RALYL: variants seen among roughly 807,000 people sequenced by gnomAD.
RALYL encodes the protein RNA-binding Raly-like protein.
Under a neutral mutation model 35.1 loss-of-function variants are expected in RALYL, and 29 were observed. The ratio of observed to expected loss-of-function variants is 0.83; its 90% CI spans 0.61 to 1.13. The LOEUF (loss-of-function observed/expected upper bound fraction) is 1.13, where lower values mean the gene tolerates loss of function less well. RALYL is among the 50% of genes most tolerant of loss of function. The pLI is 0.00. For synonymous variants in RALYL, 120 were observed against 127.6 expected (o/e 0.94, Z 0.40); for missense variants, 359 against 360.4 (o/e 1.00, Z 0.03).
At chr8:84,831,894 T>C (rs535229349) in intron 4 of RALYL, among the ~76,000 whole-genome samples, 210 of 152,240 alleles carry the variant, frequency 1.4e-3, no homozygotes, top group Non-Finnish European at 2.3e-3. Context: ...TCATTTTAGA[T>C]AGTATGTGTC....
chr8:84,880,743 C>T (rs1401816115), intron 7 of RALYL, among the ~76,000 whole-genome samples: 1 of 151,974 alleles, frequency 6.6e-6, no homozygotes, highest in Non-Finnish European at 1.5e-5. Flanking sequence ...ATACAACCAT[C>T]ACCACAAATC....
At chr8:84,297,321 C>T (rs1839945091) in intron 1 of RALYL, among the ~76,000 whole-genome samples, 2 of 152,056 alleles carry the variant, frequency 1.3e-5, no homozygotes, top group Non-Finnish European at 2.9e-5. Context: ...GTTTTCTGTT[C>T]CTGTGTTAGT....
At chr8:84,821,446 T>C (rs533949710) in intron 4 of RALYL, among the ~76,000 whole-genome samples, 1 of 152,214 alleles carries the variant, frequency 6.6e-6, no homozygotes, top group South Asian at 2.1e-4. Context: ...CTGAGTTTCA[T>C]CTGCACTTGA....
At chr8:84,405,974 A>G (rs1364906457) in intron 1 of RALYL, among the ~76,000 whole-genome samples, 1 of 150,694 alleles carries the variant, frequency 6.6e-6, no homozygotes, top group South Asian at 2.1e-4. Flanking sequence ...GATAATTACC[A>G]TAATCTAGAA....
chr8:84,843,039 T>C (rs1447883899), intron 4 of RALYL, among the ~76,000 whole-genome samples: 3 of 152,116 alleles, frequency 2.0e-5, no homozygotes, highest in Non-Finnish European at 4.4e-5. Context: ...CTGGAAGCAT[T>C]CCCTTGAAAA....
At chr8:84,659,402 C>A (rs979135931) in intron 2 of RALYL, among the ~76,000 whole-genome samples, 25 of 152,022 alleles carry the variant, frequency 1.6e-4, no homozygotes, top group Admixed American at 1.5e-3. Flanking sequence ...TTGTACCCCT[C>A]CCTGGATCAG....
rs1027525787 is a variant in RALYL, at chr8:84,705,881, G to A, written c.257-68698G>A. ...ATCTCCCCTGTAATTTTATGAGAATGGTATTACCCTGGCTTTCACTGTGTG... is the reference window on the plus strand; with the variant it reads ...ATCTCCCCTGTAATTTTATGAGAATAGTATTACCCTGGCTTTCACTGTGTG... On this transcript the variant is annotated intron_variant, in intron 2 of 8. Coordinates refer to ENST00000521268, the MANE Select transcript of RALYL (RefSeq NM_173848.7). 2.1e-6 allele frequency: 3 copies of A among 1,431,342 alleles called. No homozygotes were observed. The Admixed American group carries it at 8.5e-5, about 41-fold the overall frequency. 88.7% of individuals were successfully genotyped at this position (1,431,342 alleles called of 1,614,324 possible). A position where few individuals can be genotyped will look rare whatever the true frequency, so the allele number is the denominator to read the frequency against.
chr8:84,528,770 C>T (rs1403842885), intron 1 of RALYL, among the ~76,000 whole-genome samples: 1 of 151,806 alleles, frequency 6.6e-6, no homozygotes. Flanking sequence ...TACCATTTTT[C>T]CTTTTCCACA....
intron 1 of RALYL, among the ~76,000 whole-genome samples, chr8:84,286,908 G>A (rs1307259914): frequency 6.6e-6 from 1 of 152,102 alleles, no homozygotes; most frequent in Non-Finnish European, 1.5e-5. Flanking sequence ...AGGTCTACAT[G>A]CCAACAAATC....
intron 1 of RALYL, among the ~76,000 whole-genome samples, chr8:84,496,655 G>A (rs867794875): frequency 1.3e-5 from 2 of 152,048 alleles, no homozygotes; most frequent in Admixed American, 6.6e-5. Flanking sequence ...TTATTCTTAT[G>A]TGTATCTATG....
At chr8:84,523,301 A>G (rs1397500935) in intron 1 of RALYL, among the ~76,000 whole-genome samples, 1 of 151,964 alleles carries the variant, frequency 6.6e-6, no homozygotes, top group Non-Finnish European at 1.5e-5. Flanking sequence ...ATCAGCTCTC[A>G]TGAGACTTAT....
chr8:84,816,731 A>C (rs149157565), intron 4 of RALYL, among the ~76,000 whole-genome samples: 2,168 of 152,254 alleles, frequency 0.014, 20 homozygotes, highest in Non-Finnish European at 0.022. Flanking sequence ...ATAATAACAT[A>C]ATTGTACATC....
intron 2 of RALYL, among the ~76,000 whole-genome samples, chr8:84,570,703 A>G (rs1807748777): frequency 6.6e-6 from 1 of 151,962 alleles, no homozygotes; most frequent in African/African-American, 2.4e-5. Flanking sequence ...TCCATTCAAC[A>G]TGATGCTGGC....
At chr8:84,202,132 T>C (rs1489145463) in intron 1 of RALYL, among the ~76,000 whole-genome samples, 1 of 151,982 alleles carries the variant, frequency 6.6e-6, no homozygotes, top group Non-Finnish European at 1.5e-5. Flanking sequence ...TTTGTGGTTA[T>C]TTTACTGTAA....
chr8:84,865,031 T>A (rs1199710042), intron 6 of RALYL: 3 of 179,078 alleles, frequency 1.7e-5, no homozygotes, highest in African/African-American at 7.1e-5. Context: ...TAATAAAAAT[T>A]TATAATTCAC....
At chr8:84,314,453 G>T (rs929707402) in intron 1 of RALYL, among the ~76,000 whole-genome samples, 6 of 151,860 alleles carry the variant, frequency 4.0e-5, no homozygotes, top group African/African-American at 1.5e-4. Context: ...AAGTATATAT[G>T]TATATTTATG....
intron 4 of RALYL, among the ~76,000 whole-genome samples, chr8:84,839,286 CA>C (rs1254174673): frequency 1.3e-5 from 2 of 152,198 alleles, no homozygotes; most frequent in African/African-American, 4.8e-5. Flanking sequence ...TGCGCTTTTC[CA>C]ATGGTCTTAG....
chr8:84,303,371 A>T (rs1841184806), intron 1 of RALYL, among the ~76,000 whole-genome samples: 1 of 152,224 alleles, frequency 6.6e-6, no homozygotes, highest in Admixed American at 6.5e-5. Context: ...ACTACAAAAA[A>T]CATTTCCAGA....
chr8:84,600,027 A>G (rs896285655), intron 2 of RALYL, among the ~76,000 whole-genome samples: 4 of 151,784 alleles, frequency 2.6e-5, no homozygotes, highest in Non-Finnish European at 4.4e-5. Flanking sequence ...TATGTTGCCA[A>G]TCTTTGCCAG....
Sources: gnomAD v4.1 joint callset for allele counts (sites outside exome capture counted in the v4.1 genomes callset) on GRCh38, gnomAD v4.1.1 for gene constraint, MANE v1.5 for transcripts, NCBI Gene and HGNC (gene_info 2026-07-23, HGNC 2026-07-21) for gene names.